Variants in YAE1 observed in about 807,000 individuals in gnomAD.
YAE1 encodes the protein protein YAE1 homolog.
YAE1 carries 22 observed loss-of-function variants against 23.0 expected under a neutral mutation model. That is an observed-to-expected ratio of 0.96 (90% CI 0.68 to 1.37). YAE1 has a LOEUF of 1.37. Ranked by LOEUF, YAE1 falls within the 40% of genes most tolerant of loss-of-function variation. The pLI is 0.00. For missense variants in YAE1, 260 were observed against 262.1 expected (o/e 0.99, Z 0.06); for synonymous variants, 101 against 97.0 (o/e 1.04, Z -0.24).
chr7:39,580,066 A>G (rs1377894130), intron 2 of YAE1, among the ~76,000 whole-genome samples: 1 of 152,194 alleles, frequency 6.6e-6, no homozygotes, highest in African/African-American at 2.4e-5. Flanking sequence ...AAAAAGCATA[A>G]TAACCAACAG....
chr7:39,588,158 AG>A (rs1479140638), intron 2 of YAE1, among the ~76,000 whole-genome samples: 1 of 152,218 alleles, frequency 6.6e-6, no homozygotes, highest in Non-Finnish European at 1.5e-5. Flanking sequence ...CTGAAAAGCT[AG>A]TATTACTTAG....
chr7:39,592,813 C>T (rs943342142), intron 2 of YAE1, among the ~76,000 whole-genome samples: 1 of 152,140 alleles, frequency 6.6e-6, no homozygotes, highest in Non-Finnish European at 1.5e-5. Flanking sequence ...TTCATTACAA[C>T]GTGCCTAGAT....
At chr7:39,589,877 G>A (rs549502350) in intron 2 of YAE1, among the ~76,000 whole-genome samples, 1 of 152,080 alleles carries the variant, frequency 6.6e-6, no homozygotes, top group African/African-American at 2.4e-5. Flanking sequence ...GCTTAGAGGC[G>A]GTAGACAGAT....
chr7:39,585,567 G>A (rs1297101311), intron 2 of YAE1, among the ~76,000 whole-genome samples: 5 of 152,140 alleles, frequency 3.3e-5, no homozygotes, highest in Non-Finnish European at 4.4e-5. Context: ...CAACCCACCC[G>A]TTCTGTGGTA....
At chr7:39,600,500 C>T (rs867609562) in intron 2 of YAE1, among the ~76,000 whole-genome samples, 14 of 152,204 alleles carry the variant, frequency 9.2e-5, no homozygotes, top group Middle Eastern at 3.4e-3. Flanking sequence ...CAGGTTCAAG[C>T]GATTCTCCTG....
In YAE1 at chr7:39,609,827, C is replaced by T. The variant is rs150110799; in HGVS notation, c.462C>T (p.Ala154=). ...CCCGCTTCCCCGCCCGGCTCCGGGC[C>T]CCAGGCCCTGGGACGCCGAGCCACC... Residue 154 remains alanine, a synonymous_variant, in exon 3 of 3, where the codon GCC becomes GCT. Coordinates refer to the YAE1 transcript ENST00000432096. 5,818 of 1,532,478 alleles carry T rather than the reference C, an allele frequency of 3.8e-3. 187 individuals carry two copies. The African/African-American group carries it at 0.066, about 17-fold the overall frequency. The allele number at this position is 1,532,478 out of a possible 1,614,324, so 94.9% of individuals were successfully genotyped here. A position where few individuals can be genotyped will look rare whatever the true frequency, so the allele number is the denominator to read the frequency against.
intron 2 of YAE1, among the ~76,000 whole-genome samples, chr7:39,608,536 G>C (rs1161066583): frequency 6.6e-6 from 1 of 152,190 alleles, no homozygotes; most frequent in Non-Finnish European, 1.5e-5. Flanking sequence ...TCTCTCAGGA[G>C]ATCTGCTCTC....
intron 2 of YAE1, among the ~76,000 whole-genome samples, chr7:39,585,964 G>A (rs1330645644): frequency 1.3e-5 from 2 of 151,998 alleles, no homozygotes; most frequent in African/African-American, 4.8e-5. Flanking sequence ...ATTAGGCATG[G>A]TGATGTGCAC....
At chr7:39,579,633 A>G (rs1583672640) in intron 2 of YAE1, among the ~76,000 whole-genome samples, 2 of 148,836 alleles carry the variant, frequency 1.3e-5, no homozygotes, top group African/African-American at 5.0e-5. Context: ...ACGCCACTGC[A>G]CTCCAGCCTG....
At chr7:39,580,494 C>T (rs900627864) in intron 2 of YAE1, among the ~76,000 whole-genome samples, 2 of 152,114 alleles carry the variant, frequency 1.3e-5, no homozygotes, top group Non-Finnish European at 2.9e-5. Context: ...AAGTTGAATC[C>T]TGGTGCTTTC....
chr7:39,592,647 T>C (rs566393489), intron 2 of YAE1, among the ~76,000 whole-genome samples: 1 of 152,318 alleles, frequency 6.6e-6, no homozygotes, highest in African/African-American at 2.4e-5. Flanking sequence ...AGATACAGAA[T>C]TCTAAGTTTT....
intron 2 of YAE1, among the ~76,000 whole-genome samples, chr7:39,608,463 G>A (rs112793896): frequency 7.2e-5 from 11 of 152,146 alleles, no homozygotes; most frequent in South Asian, 2.1e-4. Context: ...GATGATTTCC[G>A]GGAAAGAAGA....
At chr7:39,588,649 G>A (rs1056692063) in intron 2 of YAE1, among the ~76,000 whole-genome samples, 8 of 152,120 alleles carry the variant, frequency 5.3e-5, no homozygotes, top group Admixed American at 4.6e-4. Flanking sequence ...CATGTATCAA[G>A]TATGTGGATA....
At chr7:39,594,867 A>T (rs1790953545) in intron 2 of YAE1, among the ~76,000 whole-genome samples, 1 of 152,184 alleles carries the variant, frequency 6.6e-6, no homozygotes, top group Non-Finnish European at 1.5e-5. Context: ...AAGTGCTGGG[A>T]TTACAGGTGT....
chr7:39,604,964 T>TAG (rs963054046), intron 2 of YAE1, among the ~76,000 whole-genome samples: 20 of 152,214 alleles, frequency 1.3e-4, no homozygotes, highest in Middle Eastern at 3.2e-3. Context: ...AATATAGACT[T>TAG]ACTCTGAGTA....
chr7:39,606,671 C>T (rs1186324457), intron 2 of YAE1, among the ~76,000 whole-genome samples: 1 of 149,546 alleles, frequency 6.7e-6, no homozygotes, highest in African/African-American at 2.5e-5. Flanking sequence ...GGTTTAAGGG[C>T]AAATTAGAAG....
intron 2 of YAE1, among the ~76,000 whole-genome samples, chr7:39,600,097 A>G (rs1473009007): frequency 2.6e-5 from 4 of 152,206 alleles, no homozygotes; most frequent in African/African-American, 7.2e-5. Flanking sequence ...CTCGAGAGTA[A>G]GGACCGTATC....
At chr7:39,585,113 G>A (rs1010663392) in intron 2 of YAE1, among the ~76,000 whole-genome samples, 1 of 152,212 alleles carries the variant, frequency 6.6e-6, no homozygotes, top group Non-Finnish European at 1.5e-5. Context: ...TTAGACCATA[G>A]AGTATCTCAG....
rs116520088 is a variant in YAE1 at position 39,566,455 on chromosome 7, C to T, written c.37C>T (p.Pro13Ser). The change falls in exon 1 of 3, where the codon CCT becomes TCT. Residue 13 changes from proline to serine, a missense_variant. Physicochemically the swap from Pro to Ser is moderately conservative, Grantham distance 74. Coordinates refer to ENST00000223273, the MANE Select transcript of YAE1 (RefSeq NM_020192.5). ...WVQAASLIQG[P>S]GDKGDVFDEE... is the part of the protein sequence containing the mutation. ...TCAAGCAGCCTCCTTGATCCAGGGC[C>T]CTGGAGACAAAGGGGACGTGTTTGA... is the stretch of plus-strand genomic sequence containing the variant. 137 of 1,614,162 alleles carry T rather than the reference C, an allele frequency of 8.5e-5. 1 individual carries two copies. In the African/African-American group the frequency reaches 1.7e-3, roughly 20 times the overall value.
Sources: gnomAD v4.1 joint callset for allele counts (sites outside exome capture counted in the v4.1 genomes callset) on GRCh38, gnomAD v4.1.1 for gene constraint, MANE v1.5 for transcripts, NCBI Gene and HGNC (gene_info 2026-07-23, HGNC 2026-07-21) for gene names.